The following OR4Q3 variants were observed in gnomAD, a reference collection of about 807,000 sequenced individuals.
The protein encoded by OR4Q3 is olfactory receptor 4Q3.
A neutral mutation model predicts 18.8 loss-of-function variants in OR4Q3; 17 were observed. That is an observed-to-expected ratio of 0.91 (90% CI 0.62 to 1.36). The LOEUF (loss-of-function observed/expected upper bound fraction) is 1.36, where lower values mean the gene tolerates loss of function less well. OR4Q3 is among the 40% of genes most tolerant of loss of function. OR4Q3 has a pLI of 0.00. For synonymous variants in OR4Q3, 158 were observed against 145.8 expected, an observed-to-expected ratio of 1.08 and a Z score of -0.60; for missense variants, 378 against 373.4, an observed-to-expected ratio of 1.01 and a Z score of -0.10.
At chr14:19,745,629 A>G in intron 1 of OR4Q3, among the ~76,000 whole-genome samples, 2 of 152,166 alleles carry the variant, frequency 1.3e-5, no homozygotes, top group African/African-American at 4.8e-5. Flanking sequence ...TAAAAATTAG[A>G]TCAATAATTT....
At chr14:19,749,604 C>CAAAGAAAAAAAAA, downstream of OR4Q3, 1 of 34,570 alleles carries the variant, frequency 2.9e-5, no homozygotes, top group Non-Finnish European at 4.6e-5. Context: ...GGTCTCAAAG[C>CAAAGAAAAAAAAA]AAAAAAAAAA....
intron 1 of OR4Q3, among the ~76,000 whole-genome samples, chr14:19,744,173 G>A (rs1335996595): frequency 2.0e-5 from 3 of 152,182 alleles, no homozygotes; most frequent in African/African-American, 7.2e-5. Context: ...ACCACTGTAG[G>A]TACCATCTTC....
At chr14:19,750,858 C>T, downstream of OR4Q3, among the ~76,000 whole-genome samples, 3 of 152,244 alleles carry the variant, frequency 2.0e-5, no homozygotes, top group African/African-American at 4.8e-5. Flanking sequence ...CTCTACTCAA[C>T]ATTTTCAGGG....
rs190074118 is a variant in OR4Q3 at position 19,744,092 on chromosome 14, T to C, written c.2+421T>C. ...CTCTTTATGTTCCACAGGTACAATA[T>C]AGAATGCAATGTTTCAAACAAGGCC... On this transcript the variant is annotated intron_variant, in intron 1 of 1. Transcript: ENST00000642117. 1.1e-4 allele frequency among the ~76,000 whole-genome samples: 16 copies of C among 152,348 alleles called. No homozygotes were observed. The East Asian group carries it at 1.4e-3, about 13-fold the overall frequency.
At chr14:19,744,048 G>A (rs1465888955) in intron 1 of OR4Q3, among the ~76,000 whole-genome samples, 1 of 150,976 alleles carries the variant, frequency 6.6e-6, no homozygotes, top group African/African-American at 2.4e-5. Context: ...AATTATTAAA[G>A]TTTCTTTTTA....
downstream of OR4Q3, among the ~76,000 whole-genome samples, chr14:19,749,847 C>CTTCT: frequency 5.9e-4 from 67 of 114,400 alleles, 1 homozygote; most frequent in African/African-American, 1.4e-3. Flanking sequence ...ATACAGATTA[C>CTTCT]TTCTTTCTTT....
chr14:19,750,612 C>T, downstream of OR4Q3, among the ~76,000 whole-genome samples: 3 of 152,290 alleles, frequency 2.0e-5, no homozygotes, highest in East Asian at 3.9e-4. Flanking sequence ...TGCAATAACC[C>T]TGGTCGTGTA....
intron 1 of OR4Q3, among the ~76,000 whole-genome samples, chr14:19,746,863 C>T: frequency 1.2e-4 from 18 of 152,270 alleles, no homozygotes; most frequent in South Asian, 2.1e-4. Flanking sequence ...TATTGTGTTG[C>T]GGATACAAAG....
At chr14:19,749,622 A>AAAAAAAAAAAAAAAAAAAAAAAAAAT, downstream of OR4Q3, among the ~76,000 whole-genome samples, 1 of 148,890 alleles carries the variant, frequency 6.7e-6, no homozygotes, top group Admixed American at 6.7e-5. Flanking sequence ...AAAAAAAAAA[A>AAAAAAAAAAAAAAAAAAAAAAAAAAT]AAAAAAAAAA....
chr14:19,749,990 T>TC, downstream of OR4Q3, among the ~76,000 whole-genome samples: 4 of 81,032 alleles, frequency 4.9e-5, no homozygotes, highest in Non-Finnish European at 9.1e-5. Flanking sequence ...TCTTTCTTCT[T>TC]CTTTTTTTTT....
At chr14:19,744,761 G>A in intron 1 of OR4Q3, among the ~76,000 whole-genome samples, 1 of 152,176 alleles carries the variant, frequency 6.6e-6, no homozygotes, top group Non-Finnish European at 1.5e-5. Context: ...GTTTTTGAAT[G>A]TGGCTTTCCA....
At chr14:19,747,998 A>G in exon 2 of OR4Q3, 3 of 1,613,964 alleles carry the variant, frequency 1.9e-6, no homozygotes, top group African/African-American at 1.3e-5. Context: ...GCTGGCCTGC[A>G]TGGACACCTA....
At chr14:19,748,402 A>G in exon 2 of OR4Q3, 5 of 1,487,082 alleles carry the variant, frequency 3.4e-6, no homozygotes, top group East Asian at 2.3e-5. Context: ...TGAAAAACAC[A>G]CTCTTTCTTG....
downstream of OR4Q3, among the ~76,000 whole-genome samples, chr14:19,751,418 C>A: frequency 6.6e-6 from 1 of 152,248 alleles, no homozygotes; most frequent in Non-Finnish European, 1.5e-5. Context: ...AGGAGCCCTT[C>A]CTTTTTTATT....
chr14:19,748,172 A>T, exon 2 of OR4Q3: 1 of 1,614,114 alleles, frequency 6.2e-7, no homozygotes, highest in South Asian at 1.1e-5. Flanking sequence ...GACAGTGGTC[A>T]GCCTGATCTT....
Position 19,747,490 on chromosome 14 carries a change from G to A in OR4Q3, c.87G>A (p.Trp29Ter). Reference sequence around the variant, plus strand: ...TTCTTCTGGGCCTATCATCTTCTTGGGAGCTGCAGCTATTTCTCTTCTTAC... The same window carrying A: ...TTCTTCTGGGCCTATCATCTTCTTGAGAGCTGCAGCTATTTCTCTTCTTAC... The change falls in exon 2 of 2, where the codon TGG (tryptophan) becomes TGA (stop). Residue 29 changes from tryptophan (W) to a stop codon, truncating the protein, a stop_gained. Coordinates refer to ENST00000642117, the Ensembl canonical transcript of OR4Q3. LOFTEE classifies it high-confidence loss of function. 165 of 1,613,332 alleles carry A rather than the reference G, an allele frequency of 1.0e-4. 1 individual carries two copies. In the African/African-American group the frequency reaches 1.9e-3, roughly 19 times the overall value.
At chr14:19,751,902 G>C, downstream of OR4Q3, among the ~76,000 whole-genome samples, 1 of 151,812 alleles carries the variant, frequency 6.6e-6, no homozygotes, top group Non-Finnish European at 1.5e-5. Context: ...TCTAATTTTT[G>C]TTATTTCTTT....
chr14:19,749,856 TTCTTTC>T, downstream of OR4Q3, among the ~76,000 whole-genome samples: 1 of 4,094 alleles, frequency 2.4e-4, no homozygotes, highest in African/African-American at 3.9e-4. Context: ...ACTTCTTTCT[TTCTTTC>T]TTTCTTTCTT....
At chr14:19,748,458 G>A in exon 2 of OR4Q3, 1 of 950,410 alleles carries the variant, frequency 1.1e-6, no homozygotes, top group Non-Finnish European at 1.6e-6. Flanking sequence ...CCACTTTGAT[G>A]ACGTTGGTAT....
Sources: allele counts gnomAD v4.1 joint callset (sites outside exome capture counted in the v4.1 genomes callset), GRCh38; gene constraint gnomAD v4.1.1; transcripts MANE v1.5; gene names NCBI Gene and HGNC (gene_info 2026-07-23, HGNC 2026-07-21).